PDZK1: variants seen among roughly 807,000 people sequenced by gnomAD.
PDZK1 encodes the protein PDZ domain containing 1.
A neutral mutation model predicts 38.1 loss-of-function variants in PDZK1; 23 were observed. The ratio of observed to expected loss-of-function variants is 0.60; its 90% CI spans 0.43 to 0.85. PDZK1 has a LOEUF of 0.85. Ranked by LOEUF, PDZK1 falls within the 40% of genes least tolerant of loss-of-function variation. The pLI, the probability that PDZK1 is intolerant of heterozygous loss-of-function variation, is 0.00. For synonymous variants in PDZK1, 98 were observed against 186.2 expected, an observed-to-expected ratio of 0.53 and a Z score of 3.86; for missense variants, 297 against 504.3, an observed-to-expected ratio of 0.59 and a Z score of 3.94.
At position 145,699,242 on chromosome 1, in the gene PDZK1, T is replaced by TA. The variant is rs199770914; in HGVS notation, c.-3+8074dup. Among the ~76,000 whole-genome samples, 103 of 150,332 alleles carry TA rather than the reference T, an allele frequency of 6.9e-4. 1 individual carries two copies. The highest frequency in any genetic ancestry group is 1.3e-4 in the Non-Finnish European group (9 of 67,556). On this transcript the variant is annotated intron_variant, in intron 1 of 8. Coordinates refer to ENST00000417171, the MANE Select transcript of PDZK1 (RefSeq NM_001201325.2). ...AACGAGTGAAACTCCATCTCAAATT[T>TA]AAAAAAAAATAAAATAAATTTAAAA...
At chr1:145,690,048 C>G (rs1553702844) in intron 1 of PDZK1, among the ~76,000 whole-genome samples, 3 of 152,218 alleles carry the variant, frequency 2.0e-5, no homozygotes, top group African/African-American at 7.2e-5. Flanking sequence ...CAAAGCCACT[C>G]ACCAGTGGTC....
rs1553701819 is a variant in PDZK1 at position 145,686,631 on chromosome 1, C to T, written c.306G>A (p.Leu102=). The part of the protein sequence containing the change: ...YEKAVKTRVD[L]KELGQSQKEQ... ...CCTTCTGACTTTGACCCAACTCTTT[C>T]AAGTCCACCCGTGTTTTCACTGCTT... Residue 102 remains leucine (L), a synonymous_variant, in exon 3 of 9, where the codon TTG becomes TTA. Transcript: ENST00000417171. The T allele has an allele frequency of 1.2e-6, 2 of 1,601,496 alleles. No individual in the cohort carries two copies. The highest frequency in any genetic ancestry group is 2.2e-5 in the South Asian group (2 of 90,104).
At chr1:145,700,917 A>G (rs1553704870) in intron 1 of PDZK1, among the ~76,000 whole-genome samples, 3 of 152,160 alleles carry the variant, frequency 2.0e-5, no homozygotes, top group Non-Finnish European at 4.4e-5. Context: ...CTAAAAACTT[A>G]GCAGGGGCTG....
intron 1 of PDZK1, among the ~76,000 whole-genome samples, chr1:145,704,383 G>T (rs1482779202): frequency 6.6e-6 from 1 of 152,152 alleles, no homozygotes; most frequent in Non-Finnish European, 1.5e-5. Context: ...CACTAAGTGG[G>T]CTAGGGCTAT....
At chr1:145,680,738 CTT>C (rs1654164860) in intron 5 of PDZK1, among the ~76,000 whole-genome samples, 172 bp downstream of exon 5, 1 of 145,290 alleles carries the variant, frequency 6.9e-6, no homozygotes, top group African/African-American at 2.5e-5. Flanking sequence ...GCTATGGAAA[CTT>C]TTGATGCCCA....
chr1:145,696,558 A>C (rs1553704163), intron 1 of PDZK1, among the ~76,000 whole-genome samples: 1 of 152,226 alleles, frequency 6.6e-6, no homozygotes, highest in Non-Finnish European at 1.5e-5. Context: ...GAATAAAGCC[A>C]TGTGAGGACA....
chr1:145,694,920 A>AG (rs1553703903), intron 1 of PDZK1, among the ~76,000 whole-genome samples: 1 of 144,938 alleles, frequency 6.9e-6, no homozygotes, highest in East Asian at 2.0e-4. Context: ...AAAAAAAAAA[A>AG]GGAAAGAAAG....
chr1:145,681,821 G>A (rs1422677954), intron 4 of PDZK1, among the ~76,000 whole-genome samples: 2 of 89,146 alleles, frequency 2.2e-5, no homozygotes, highest in South Asian at 4.3e-4. Context: ...GGAAAATCTC[G>A]GTTATCTCCC....
chr1:145,673,078 C>T, intron 7 of PDZK1, 58 bp from the exon 8 acceptor site: 1 of 1,440,682 alleles, frequency 6.9e-7, no homozygotes, highest in Non-Finnish European at 9.8e-7. Flanking sequence ...ATCAGACTAG[C>T]TCTCCTTAAG....
rs587755524 is a variant in PDZK1 at position 145,702,480 on chromosome 1, AC to A, written c.-3+4836del. Among the ~76,000 whole-genome samples the A allele has an allele frequency of 1.3e-4, 19 of 150,062 alleles. No homozygotes were observed. In the East Asian group the frequency reaches 1.4e-3, roughly 11 times the overall value. On this transcript the variant is annotated intron_variant, in intron 1 of 8. Coordinates refer to ENST00000417171, the MANE Select transcript of PDZK1 (RefSeq NM_001201325.2). Reference sequence around the variant, plus strand: ...TGTGACTTTTTGAACTTGCATTTCTACCCCCCCACTTTTTTTTTGGTATGTT... The same window carrying A: ...TGTGACTTTTTGAACTTGCATTTCTACCCCCCACTTTTTTTTTGGTATGTT...
chr1:145,697,907 T>C (rs987492392), intron 1 of PDZK1, among the ~76,000 whole-genome samples: 19 of 150,364 alleles, frequency 1.3e-4, no homozygotes, highest in Admixed American at 2.0e-4. Context: ...CATGAGCCAC[T>C]GCACCCAGCC....
At chr1:145,674,353 A>G (rs1553698891) in intron 6 of PDZK1, 1 of 691,996 alleles carries the variant, frequency 1.4e-6, no homozygotes, top group Non-Finnish European at 1.8e-6. Context: ...AAAGTAAAAC[A>G]CAAGACACTT....
At chr1:145,689,655 C>A (rs587682341) in intron 1 of PDZK1, among the ~76,000 whole-genome samples, 1 of 152,270 alleles carries the variant, frequency 6.6e-6, no homozygotes, top group South Asian at 2.1e-4. Flanking sequence ...GCTCTTCACA[C>A]CACCTGCAAG....
At chr1:145,702,486 C>T (rs1656014310) in intron 1 of PDZK1, among the ~76,000 whole-genome samples, 2 of 152,072 alleles carry the variant, frequency 1.3e-5, no homozygotes, top group Admixed American at 1.3e-4. Flanking sequence ...TTCTACCCCC[C>T]CACTTTTTTT....
At chr1:145,702,033 A>T (rs587607167) in intron 1 of PDZK1, among the ~76,000 whole-genome samples, 6 of 152,340 alleles carry the variant, frequency 3.9e-5, no homozygotes, top group South Asian at 4.1e-4. Flanking sequence ...TGTGATAGTT[A>T]CTGTTTGGTC....
chr1:145,676,734 A>G (rs587746268), intron 6 of PDZK1, among the ~76,000 whole-genome samples: 1 of 151,796 alleles, frequency 6.6e-6, no homozygotes, highest in African/African-American at 2.4e-5. Flanking sequence ...CAAAAAAAAA[A>G]AAAAAAAGTG....
At chr1:145,674,149 AAAG>A in intron 6 of PDZK1, 2 of 984,650 alleles carry the variant, frequency 2.0e-6, no homozygotes, top group Non-Finnish European at 2.4e-6. Context: ...AAGGATCCCA[AAAG>A]AAGTCTAAAA....
At position 145,687,851 on chromosome 1, in the gene PDZK1, C is replaced by T; in HGVS notation, c.171G>A (p.Arg57=). 1 of 1,614,088 alleles carries T rather than the reference C, an allele frequency of 6.2e-7. No homozygotes were observed. The highest frequency in any genetic ancestry group is 8.5e-7 in the Non-Finnish European group (1 of 1,179,988). Residue 57 remains arginine, a synonymous_variant, in exon 2 of 9, where the codon AGG becomes AGA. Transcript: ENST00000417171. ...CTTTGTCCACAAAGACACCATTGATCCTAAGAACTCTGTCTCCATCTTGAA... is the reference window on the plus strand; with the variant it reads ...CTTTGTCCACAAAGACACCATTGATTCTAAGAACTCTGTCTCCATCTTGAA... ...AGLQDGDRVL[R]INGVFVDKEE...
chr1:145,690,038 CA>C (rs1206223566), intron 1 of PDZK1, among the ~76,000 whole-genome samples: 2 of 152,208 alleles, frequency 1.3e-5, no homozygotes, highest in African/African-American at 2.4e-5. Flanking sequence ...AAGAAAACAG[CA>C]AAGCCACTCA....
Sources: allele counts gnomAD v4.1 joint callset (sites outside exome capture counted in the v4.1 genomes callset), GRCh38; gene constraint gnomAD v4.1.1; transcripts MANE v1.5; gene names NCBI Gene and HGNC (gene_info 2026-07-23, HGNC 2026-07-21).